Variants in PCDH9 observed in about 807,000 individuals in gnomAD.
PCDH9 encodes the protein protocadherin 9, also known as protocadherin-9.
PCDH9 carries 24 observed loss-of-function variants against 70.6 expected under a neutral mutation model. The ratio of observed to expected loss-of-function variants is 0.34; its 90% CI spans 0.25 to 0.48. The LOEUF is 0.48. PCDH9 is among the 20% of genes least tolerant of loss of function. The pLI is 0.99. For missense variants in PCDH9, 1,281 were observed against 1,503.6 expected (o/e 0.85, Z 2.45); for synonymous variants, 562 against 558.5 (o/e 1.01, Z -0.09).
chr13:66,372,952 A>T (rs1956683957), intron 4 of PCDH9, among the ~76,000 whole-genome samples: 1 of 151,950 alleles, frequency 6.6e-6, no homozygotes. Flanking sequence ...AACTTATTAC[A>T]CAATCTAGCA....
intron 3 of PCDH9, among the ~76,000 whole-genome samples, chr13:66,696,804 T>C (rs1034969328): frequency 3.8e-4 from 32 of 84,448 alleles, no homozygotes; most frequent in Non-Finnish European, 7.6e-4. Context: ...TTTTTTTTTT[T>C]TGAGATTTTA....
At chr13:66,843,205 T>C (rs1262302584) in intron 3 of PCDH9, among the ~76,000 whole-genome samples, 2 of 152,236 alleles carry the variant, frequency 1.3e-5, no homozygotes, top group Admixed American at 6.5e-5. Flanking sequence ...TAAGTGGTTG[T>C]ATTTTACATG....
At chr13:66,385,236 C>T (rs1368635559) in intron 4 of PCDH9, among the ~76,000 whole-genome samples, 1 of 151,968 alleles carries the variant, frequency 6.6e-6, no homozygotes, top group Non-Finnish European at 1.5e-5. Flanking sequence ...TATGTACTTA[C>T]CTTGATTACT....
chr13:66,820,944 A>G (rs1435999786), intron 3 of PCDH9, among the ~76,000 whole-genome samples: 1 of 152,128 alleles, frequency 6.6e-6, no homozygotes, highest in Non-Finnish European at 1.5e-5. Context: ...TCCATGACAC[A>G]ATGTTTACCT....
chr13:66,661,403 C>G (rs1450529919), intron 3 of PCDH9, among the ~76,000 whole-genome samples: 1 of 152,172 alleles, frequency 6.6e-6, no homozygotes, highest in Non-Finnish European at 1.5e-5. Context: ...TTTTCACAAG[C>G]TGTGAATGAG....
intron 2 of PCDH9, among the ~76,000 whole-genome samples, chr13:67,143,767 A>G (rs2087453906): frequency 6.6e-6 from 1 of 152,120 alleles, no homozygotes; most frequent in South Asian, 2.1e-4. Context: ...AGGGAGAGAA[A>G]GTCTGCATAC....
At chr13:66,557,889 T>G (rs1361710628) in intron 4 of PCDH9, among the ~76,000 whole-genome samples, 2 of 152,180 alleles carry the variant, frequency 1.3e-5, no homozygotes, top group African/African-American at 4.8e-5. Context: ...CAGTGGCTCA[T>G]GCCTGTAATC....
intron 2 of PCDH9, among the ~76,000 whole-genome samples, chr13:67,094,334 TA>T (rs948116687): frequency 6.6e-6 from 1 of 152,206 alleles, no homozygotes; most frequent in African/African-American, 2.4e-5. Flanking sequence ...TTGCTGGTGT[TA>T]TCATTTTCAC....
chr13:66,645,850 G>T (rs550594756), intron 3 of PCDH9, among the ~76,000 whole-genome samples: 1 of 152,214 alleles, frequency 6.6e-6, no homozygotes, highest in South Asian at 2.1e-4. Context: ...AATGAAATAG[G>T]TATTATGAAG....
chr13:66,800,643 G>A (rs924483669), intron 3 of PCDH9, among the ~76,000 whole-genome samples: 24 of 152,088 alleles, frequency 1.6e-4, no homozygotes, highest in Non-Finnish European at 3.2e-4. Context: ...AAAATTTGTA[G>A]GTTAGGATTG....
At chr13:66,971,695 G>T (rs1357449463) in intron 2 of PCDH9, among the ~76,000 whole-genome samples, 3 of 151,898 alleles carry the variant, frequency 2.0e-5, no homozygotes, top group African/African-American at 4.8e-5. Context: ...TCCTTCAGAG[G>T]TATCCTTGAA....
chr13:66,485,787 G>C (rs947445926), intron 4 of PCDH9, among the ~76,000 whole-genome samples: 3 of 150,226 alleles, frequency 2.0e-5, no homozygotes, highest in African/African-American at 7.4e-5. Flanking sequence ...TGTTTCCCAG[G>C]CTGGAGTGCA....
At chr13:66,956,665 A>G (rs2083269683) in intron 2 of PCDH9, among the ~76,000 whole-genome samples, 3 of 152,008 alleles carry the variant, frequency 2.0e-5, no homozygotes, top group Non-Finnish European at 4.4e-5. Context: ...GTATGAGATC[A>G]CTTGAACCCA....
intron 2 of PCDH9, among the ~76,000 whole-genome samples, chr13:67,100,689 T>C (rs552726838): frequency 1.8e-4 from 27 of 152,318 alleles, no homozygotes; most frequent in Admixed American, 1.0e-3. Context: ...ATGTTTGCAG[T>C]CTTTTCTTTT....
intron 2 of PCDH9, among the ~76,000 whole-genome samples, chr13:67,101,731 T>C: frequency 7.3e-6 from 1 of 136,648 alleles, no homozygotes; most frequent in South Asian, 2.6e-4. Context: ...GATTTTTAAC[T>C]CTAGGTTTGT....
chr13:66,852,829 G>C (rs2081336087), intron 3 of PCDH9, among the ~76,000 whole-genome samples: 1 of 152,108 alleles, frequency 6.6e-6, no homozygotes. Flanking sequence ...TACAAATACA[G>C]ATTCCTGAAC....
At chr13:66,638,976 A>C (rs1287947203) in intron 3 of PCDH9, among the ~76,000 whole-genome samples, 2 of 152,224 alleles carry the variant, frequency 1.3e-5, no homozygotes, top group African/African-American at 4.8e-5. Flanking sequence ...TTTGTGTTTG[A>C]GAAAAATAAG....
At chr13:66,992,619 T>C (rs111821314) in intron 2 of PCDH9, among the ~76,000 whole-genome samples, 1 of 152,198 alleles carries the variant, frequency 6.6e-6, no homozygotes. Flanking sequence ...TCTTAGATAA[T>C]TGTAATGGTT....
At chr13:66,411,955 T>C (rs1957378506) in intron 4 of PCDH9, among the ~76,000 whole-genome samples, 1 of 152,184 alleles carries the variant, frequency 6.6e-6, no homozygotes, top group Non-Finnish European at 1.5e-5. Context: ...CTCAAAACTA[T>C]TTTCAAGTAA....
Sources: gnomAD v4.1 joint callset for allele counts (sites outside exome capture counted in the v4.1 genomes callset) on GRCh38, gnomAD v4.1.1 for gene constraint, MANE v1.5 for transcripts, NCBI Gene and HGNC (gene_info 2026-07-23, HGNC 2026-07-21) for gene names.